PCNX1: variants seen among roughly 807,000 people sequenced by gnomAD.
PCNX1 encodes the protein pecanex-like protein 1.
PCNX1 carries 78 observed loss-of-function variants against 242.2 expected under a neutral mutation model. The observed-to-expected ratio is 0.32, with a 90% CI of 0.27 to 0.39. PCNX1 has a LOEUF of 0.39. PCNX1 is among the 10% of genes least tolerant of loss of function. PCNX1 has a pLI of 1.00. For missense variants in PCNX1, 2,581 were observed against 2,856.5 expected, an observed-to-expected ratio of 0.90 and a Z score of 2.20; for synonymous variants, 1,024 against 1,032.9, an observed-to-expected ratio of 0.99 and a Z score of 0.17.
intron 12 of PCNX1, among the ~76,000 whole-genome samples, chr14:71,022,404 A>G (rs1014627503): frequency 2.0e-5 from 3 of 152,222 alleles, no homozygotes; most frequent in African/African-American, 7.2e-5. Flanking sequence ...CAGGGATAAG[A>G]AAGACAAGAA....
rs1404731281 is a variant in PCNX1 at position 70,907,800 on chromosome 14, G to GGGCGGGGACGGCGGCGGC, written c.-45_-28dup. On this transcript the variant is annotated 5_prime_UTR_variant, in exon 1 of 36. Coordinates refer to ENST00000304743, the MANE Select transcript of PCNX1 (RefSeq NM_014982.3). ...GGCGACCGAGGCCGAGCTGGGGCCGGGGCGGGGACGGCGGCGGCGGCGGCG... is the reference window on the plus strand; with the variant it reads ...GGCGACCGAGGCCGAGCTGGGGCCGGGGCGGGGACGGCGGCGGCGGCGGGGACGGCGGCGGCGGCGGCG... The GGGCGGGGACGGCGGCGGC allele has an allele frequency of 8.1e-7, 1 of 1,228,094 alleles. No homozygotes were observed. Among genetic ancestry groups the GGGCGGGGACGGCGGCGGC allele is most frequent in the Admixed American group, 4.4e-5 (1 of 22,634 alleles). 76.1% of individuals were successfully genotyped at this position (1,228,094 alleles called of 1,614,324 possible).
At chr14:70,933,971 G>A (rs1022774375) in intron 1 of PCNX1, among the ~76,000 whole-genome samples, 1 of 152,220 alleles carries the variant, frequency 6.6e-6, no homozygotes, top group Non-Finnish European at 1.5e-5. Context: ...TCTTGAGCCA[G>A]TGGTGAAGGA....
intron 1 of PCNX1, among the ~76,000 whole-genome samples, chr14:70,938,343 T>A (rs7151145): frequency 6.6e-6 from 1 of 151,696 alleles, no homozygotes; most frequent in Non-Finnish European, 1.5e-5. Context: ...TAGCATGAAG[T>A]GTTGTTGAAT....
chr14:70,994,396 G>GATAGATAGATAGATAGATAGAT (rs1555357306), intron 7 of PCNX1, among the ~76,000 whole-genome samples: 1 of 96,966 alleles, frequency 1.0e-5, no homozygotes, highest in African/African-American at 3.8e-5. Context: ...ACAGGCTTAA[G>GATAGATAGATAGATAGATAGAT]ATATATATAT....
At chr14:71,072,092 A>G (rs1726256987) in intron 26 of PCNX1, among the ~76,000 whole-genome samples, 1 of 152,224 alleles carries the variant, frequency 6.6e-6, no homozygotes, top group African/African-American at 2.4e-5. Flanking sequence ...TACAACAGTA[A>G]TGAAATGTTT....
Position 71,110,171 on chromosome 14 carries a change from T to C in PCNX1, c.*236T>C. 1.8e-6 allele frequency: 1 copy of C among 567,546 alleles called. No individual in the cohort carries two copies. The highest frequency in any genetic ancestry group is 3.2e-6 in the Non-Finnish European group (1 of 312,818). The allele number at this position is 567,546 out of a possible 1,614,324, so 35.2% of individuals were successfully genotyped here. On this transcript the variant is annotated 3_prime_UTR_variant, in exon 36 of 36. Coordinates refer to ENST00000304743, the MANE Select transcript of PCNX1 (RefSeq NM_014982.3). ...TTTAAGTTAGCTGCCGAGAAAACAT[T>C]TTGCATGAAGGATAAAGTTCTGTTA... is the stretch of plus-strand genomic sequence containing the variant.
chr14:70,948,902 TGTATATAC>T (rs1487615261), intron 2 of PCNX1, among the ~76,000 whole-genome samples: 1 of 148,432 alleles, frequency 6.7e-6, no homozygotes, highest in African/African-American at 2.4e-5. Context: ...CACACATACG[TGTATATAC>T]GTATATATGT....
chr14:70,937,690 T>A (rs1394149750), intron 1 of PCNX1, among the ~76,000 whole-genome samples: 1 of 152,236 alleles, frequency 6.6e-6, no homozygotes, highest in East Asian at 1.9e-4. Flanking sequence ...GGTAGCTTGA[T>A]GGGGATGGCA....
intron 30 of PCNX1, among the ~76,000 whole-genome samples, chr14:71,095,029 C>T (rs1030246498): frequency 6.6e-6 from 1 of 152,162 alleles, no homozygotes; most frequent in African/African-American, 2.4e-5. Context: ...ATTAGATCAC[C>T]ACGACCCAGA....
chr14:71,043,818 A>T (rs1216655306), intron 19 of PCNX1, among the ~76,000 whole-genome samples: 5 of 151,982 alleles, frequency 3.3e-5, no homozygotes, highest in East Asian at 1.9e-4. Context: ...TTTTCAGACA[A>T]TTCATAGATT....
chr14:71,099,528 G>A (rs1368570221), intron 30 of PCNX1, among the ~76,000 whole-genome samples: 3 of 152,188 alleles, frequency 2.0e-5, no homozygotes, highest in Non-Finnish European at 4.4e-5. Context: ...GGTATGTTCT[G>A]TGTGCAGATA....
chr14:70,975,922 C>T (rs2058674494), intron 5 of PCNX1, among the ~76,000 whole-genome samples: 1 of 151,632 alleles, frequency 6.6e-6, no homozygotes, highest in Non-Finnish European at 1.5e-5. Context: ...AATTGCTATA[C>T]CAATAATGAA....
chr14:71,058,245 T>G (rs1018984849), intron 26 of PCNX1, among the ~76,000 whole-genome samples: 10 of 152,250 alleles, frequency 6.6e-5, no homozygotes, highest in Non-Finnish European at 1.0e-4. Context: ...AGCCACCACC[T>G]CTGTCTCATT....
chr14:70,911,128 TGTAA>T (rs767456403), intron 1 of PCNX1, among the ~76,000 whole-genome samples: 21 of 152,242 alleles, frequency 1.4e-4, no homozygotes, highest in Non-Finnish European at 2.8e-4. Flanking sequence ...CAATAATAAC[TGTAA>T]GTGATAATGA....
intron 30 of PCNX1, chr14:71,092,810 A>C (rs2062171724): frequency 6.6e-6 from 1 of 152,234 alleles, no homozygotes; most frequent in African/African-American, 2.4e-5. Flanking sequence ...GAAAAGATAA[A>C]CACCAACTGC....
intron 2 of PCNX1, among the ~76,000 whole-genome samples, chr14:70,959,126 A>G (rs1028414105): frequency 1.3e-5 from 2 of 151,230 alleles, no homozygotes; most frequent in African/African-American, 4.9e-5. Context: ...GACTTATTCT[A>G]AGAGTTGTCT....
chr14:71,025,116 A>G (rs1247285040), intron 13 of PCNX1, among the ~76,000 whole-genome samples: 1 of 152,074 alleles, frequency 6.6e-6, no homozygotes, highest in Non-Finnish European at 1.5e-5. Context: ...CATTCCTTCT[A>G]CATTTATTAG....
chr14:71,049,973 T>A (rs1192336704), intron 22 of PCNX1, among the ~76,000 whole-genome samples: 1 of 152,240 alleles, frequency 6.6e-6, no homozygotes, highest in Non-Finnish European at 1.5e-5. Context: ...TATGAACAGA[T>A]GCCTGGTATA....
rs139114589 is a variant in PCNX1 at position 70,951,927 on chromosome 14, A to G, written c.362+4804A>G. ...CACATTTTTTAAATGGTTTCTGTAC[A>G]TTTCCTACGCCTATTCTATTTCTGT... is the stretch of plus-strand genomic sequence containing the variant. On this transcript the variant is annotated intron_variant, in intron 2 of 35. Coordinates refer to ENST00000304743, the MANE Select transcript of PCNX1 (RefSeq NM_014982.3). Among the ~76,000 whole-genome samples the G allele has an allele frequency of 4.2e-4, 64 of 152,158 alleles. No individual in the cohort carries two copies. In the East Asian group the frequency reaches 8.7e-3, roughly 21 times the overall value.
Sources: allele counts gnomAD v4.1 joint callset (sites outside exome capture counted in the v4.1 genomes callset), GRCh38; gene constraint gnomAD v4.1.1; transcripts MANE v1.5; gene names NCBI Gene and HGNC (gene_info 2026-07-23, HGNC 2026-07-21).